The following PLXNA4 variants were observed in gnomAD, a reference collection of about 807,000 sequenced individuals.
The protein encoded by PLXNA4 is plexin A4, also known as plexin-A4.
A neutral mutation model predicts 191.8 loss-of-function variants in PLXNA4; 44 were observed. The ratio of observed to expected loss-of-function variants is 0.23; its 90% CI spans 0.18 to 0.29. PLXNA4 has a LOEUF of 0.29. PLXNA4 is among the 10% of genes least tolerant of loss of function. The pLI, the probability that PLXNA4 is intolerant of heterozygous loss-of-function variation, is 1.00. For synonymous variants in PLXNA4, 1,082 were observed against 1,009.5 expected, an observed-to-expected ratio of 1.07 and a Z score of -1.36; for missense variants, 1,800 against 2,488.8, an observed-to-expected ratio of 0.72 and a Z score of 5.89.
At chr7:132,270,766 T>A (rs1399630275) in intron 4 of PLXNA4, among the ~76,000 whole-genome samples, 2 of 152,216 alleles carry the variant, frequency 1.3e-5, no homozygotes, top group Non-Finnish European at 2.9e-5. Context: ...AATTTTATCA[T>A]TTAAAGTGCC....
Position 132,180,607 on chromosome 7 carries a change from G to A in PLXNA4, c.3618C>T (p.Leu1206=). ...DVQLLCESPN[L]IGRHKVMARV... ...TCACCATCACTTTGTGCCTGCCGAT[G>A]AGGTTGGGGGACTCGCAGAGCAGCT... The change falls in exon 19 of 32, where the codon CTC becomes CTT. Residue 1206 remains leucine, a synonymous_variant. Transcript: ENST00000321063. 2 of 1,614,174 alleles carry A rather than the reference G, an allele frequency of 1.2e-6. No homozygotes were observed. The highest frequency in any genetic ancestry group is 1.7e-6 in the Non-Finnish European group (2 of 1,180,026).
chr7:132,327,725 C>A (rs1221376147), intron 3 of PLXNA4, among the ~76,000 whole-genome samples: 1 of 152,194 alleles, frequency 6.6e-6, no homozygotes, highest in Non-Finnish European at 1.5e-5. Context: ...AAATTGAAAT[C>A]CTCTCATAAA....
At chr7:132,195,586 C>T (rs1417633725) in intron 13 of PLXNA4, among the ~76,000 whole-genome samples, 2 of 152,202 alleles carry the variant, frequency 1.3e-5, no homozygotes, top group Non-Finnish European at 2.9e-5. Flanking sequence ...CTTTTGCCAA[C>T]ACCAGATATG....
chr7:132,501,107 A>T (rs73724049), intron 2 of PLXNA4, among the ~76,000 whole-genome samples: 67 of 128,810 alleles, frequency 5.2e-4, no homozygotes, highest in Admixed American at 1.1e-3. Context: ...TGTGTGTGTG[A>T]GAGAGAGAAA....
intron 6 of PLXNA4, among the ~76,000 whole-genome samples, chr7:132,228,069 A>G (rs980449426): frequency 1.3e-5 from 2 of 151,934 alleles, no homozygotes; most frequent in Non-Finnish European, 2.9e-5. Flanking sequence ...ACCCTTTGTC[A>G]TTCTTTGTCA....
chr7:132,625,572 G>A (rs1322360926), intron 2 of PLXNA4, among the ~76,000 whole-genome samples: 4 of 152,188 alleles, frequency 2.6e-5, no homozygotes, highest in Non-Finnish European at 5.9e-5. Context: ...AGGGTGGAGT[G>A]TGTGGAGTCC....
At chr7:132,325,834 C>T (rs562749576) in intron 3 of PLXNA4, among the ~76,000 whole-genome samples, 132 of 152,276 alleles carry the variant, frequency 8.7e-4, no homozygotes, top group Non-Finnish European at 6.5e-4. Flanking sequence ...TCACTCTTGG[C>T]ACTACAGGGA....
chr7:132,263,067 C>A (rs1385191143), intron 4 of PLXNA4, among the ~76,000 whole-genome samples: 1 of 152,144 alleles, frequency 6.6e-6, no homozygotes, highest in East Asian at 1.9e-4. Flanking sequence ...GGCCCCTGAG[C>A]CTTACATCCA....
chr7:132,398,485 C>T (rs1185530918), intron 3 of PLXNA4, among the ~76,000 whole-genome samples: 2 of 152,196 alleles, frequency 1.3e-5, no homozygotes, highest in African/African-American at 2.4e-5. Context: ...TGTGGAGATG[C>T]CGTCCATGCC....
At chr7:132,361,287 G>A (rs140082147) in intron 3 of PLXNA4, among the ~76,000 whole-genome samples, 6 of 152,256 alleles carry the variant, frequency 3.9e-5, no homozygotes, top group South Asian at 4.2e-4. Flanking sequence ...GCAGGCCCAC[G>A]ATGCCTTGTG....
At chr7:132,265,981 C>G (rs1326946742) in intron 4 of PLXNA4, among the ~76,000 whole-genome samples, 4 of 152,170 alleles carry the variant, frequency 2.6e-5, no homozygotes, top group Non-Finnish European at 5.9e-5. Context: ...AAAAGAGGAG[C>G]TCTAAAATGG....
chr7:132,244,452 C>T (rs1164982368), intron 4 of PLXNA4, among the ~76,000 whole-genome samples: 1 of 152,212 alleles, frequency 6.6e-6, no homozygotes, highest in Non-Finnish European at 1.5e-5. Context: ...GTAGTCTTTC[C>T]TTACGGAATA....
At chr7:132,640,628 G>A (rs1424219574) in intron 2 of PLXNA4, among the ~76,000 whole-genome samples, 1 of 152,140 alleles carries the variant, frequency 6.6e-6, no homozygotes, top group Non-Finnish European at 1.5e-5. Context: ...TGAACTTATG[G>A]TTTCCAAAAG....
At chr7:132,416,465 C>T (rs186929668) in intron 3 of PLXNA4, among the ~76,000 whole-genome samples, 2 of 152,302 alleles carry the variant, frequency 1.3e-5, no homozygotes, top group East Asian at 1.9e-4. Flanking sequence ...CCAGTTATGT[C>T]GAAGGCTCTT....
In PLXNA4 at chr7:132,185,458, G is replaced by A. The variant is rs766035851; in HGVS notation, c.2999C>T (p.Ser1000Phe). The change falls in exon 16 of 32, where the codon TCT becomes TTT. Residue 1000 changes from serine (S) to phenylalanine (F), a missense_variant. This residue lies in a region of PLXNA4 where 1,397 missense variants were observed against 1,880.4 expected (regional missense o/e 0.74). Transcript: ENST00000321063. Reference sequence around the variant, plus strand: ...GGTGTTGCAGACAATGTAGGATGGAGATCGCCTGGAGGGCAGGAAGACAGA... The same window carrying A: ...GGTGTTGCAGACAATGTAGGATGGAAATCGCCTGGAGGGCAGGAAGACAGA... The part of the protein sequence containing the change: ...GKQPCLFHRR[S>F]PSYIVCNTTS... 3 of 1,612,052 alleles carry A rather than the reference G, an allele frequency of 1.9e-6. No homozygotes were observed. Among genetic ancestry groups the A allele is most frequent in the Non-Finnish European group, 2.5e-6 (3 of 1,179,210 alleles).
intron 3 of PLXNA4, among the ~76,000 whole-genome samples, chr7:132,390,100 A>C (rs568115445): frequency 1.3e-5 from 2 of 152,204 alleles, no homozygotes; most frequent in Non-Finnish European, 2.9e-5. Context: ...TAATTCTACT[A>C]TAAAGACACA....
At chr7:132,308,214 A>G (rs1801600975) in intron 3 of PLXNA4, among the ~76,000 whole-genome samples, 1 of 152,204 alleles carries the variant, frequency 6.6e-6, no homozygotes, top group African/African-American at 2.4e-5. Context: ...ATATTTTGAA[A>G]CAGCTTCACT....
chr7:132,386,281 C>T (rs1805133951), intron 3 of PLXNA4, among the ~76,000 whole-genome samples: 1 of 152,176 alleles, frequency 6.6e-6, no homozygotes, highest in African/African-American at 2.4e-5. Flanking sequence ...CAAAGACAGC[C>T]TCTGCAGGGA....
At position 132,130,459 on chromosome 7, in the gene PLXNA4, C is replaced by T. The variant is rs377264937; in HGVS notation, c.*20G>A. 862 of 1,613,944 alleles carry T rather than the reference C, an allele frequency of 5.3e-4. 16 individuals carry two copies. In the East Asian group the frequency reaches 9.7e-3, roughly 18 times the overall value. On this transcript the variant is annotated 3_prime_UTR_variant, in exon 32 of 32. Transcript: ENST00000321063. ...CGGCTTGGTGTGTCCCCCTCCAGGG[C>T]GGCCCTGGAAGGACGGTTCTCAGCT...
Sources: allele counts gnomAD v4.1 joint callset (sites outside exome capture counted in the v4.1 genomes callset), GRCh38; gene constraint gnomAD v4.1.1; regional missense constraint gnomAD v4.1.1; transcripts MANE v1.5; gene names NCBI Gene and HGNC (gene_info 2026-07-23, HGNC 2026-07-21).